DNAH14: variants seen among roughly 807,000 people sequenced by gnomAD.
DNAH14 encodes the protein axonemal beta dynein heavy chain 14.
DNAH14 carries 478 observed loss-of-function variants against 520.9 expected under a neutral mutation model. That is an observed-to-expected ratio of 0.92 (90% CI 0.85 to 0.99). The LOEUF is 0.99. Ranked by LOEUF, DNAH14 falls within the 50% of genes least tolerant of loss-of-function variation. The pLI is 0.00. For missense variants in DNAH14, 4,831 were observed against 5,234.5 expected, an observed-to-expected ratio of 0.92 and a Z score of 2.38; for synonymous variants, 1,581 against 1,757.2, an observed-to-expected ratio of 0.90 and a Z score of 2.51.
At chr1:225,362,034 A>G (rs2095497903) in intron 75 of DNAH14, among the ~76,000 whole-genome samples, 1 of 152,264 alleles carries the variant, frequency 6.6e-6, no homozygotes. Context: ...AAAACTATTT[A>G]TAGGGCATCT....
At chr1:224,989,608 A>T (rs1219270172) in intron 8 of DNAH14, among the ~76,000 whole-genome samples, 3 of 152,170 alleles carry the variant, frequency 2.0e-5, no homozygotes, top group Admixed American at 6.5e-5. Context: ...TATGTCGAAT[A>T]AGTGGTGAAG....
At chr1:225,284,226 A>T (rs1474032740) in intron 54 of DNAH14, among the ~76,000 whole-genome samples, 1 of 152,062 alleles carries the variant, frequency 6.6e-6, no homozygotes, top group Non-Finnish European at 1.5e-5. Flanking sequence ...CTTTGAAAAG[A>T]TCAACAAAAT....
intron 1 of DNAH14, among the ~76,000 whole-genome samples, chr1:224,942,214 G>A (rs1473633429): frequency 6.7e-6 from 1 of 150,278 alleles, no homozygotes; most frequent in Non-Finnish European, 1.5e-5. Flanking sequence ...TCCTTGAAGA[G>A]GTCCTTCACA....
chr1:225,199,486 T>C (rs1463376421), intron 38 of DNAH14, among the ~76,000 whole-genome samples: 2 of 152,170 alleles, frequency 1.3e-5, no homozygotes, highest in African/African-American at 4.8e-5. Context: ...GCTATGAACT[T>C]TCCTCTTAGC....
intron 42 of DNAH14, among the ~76,000 whole-genome samples, chr1:225,240,085 T>A (rs2091880924): frequency 6.6e-6 from 1 of 152,150 alleles, no homozygotes; most frequent in South Asian, 2.1e-4. Flanking sequence ...CTCTACGACT[T>A]GGTTGAGACA....
chr1:225,277,527 G>T (rs373563139), intron 54 of DNAH14, 25 bp downstream of exon 54: 2 of 466,612 alleles, frequency 4.3e-6, no homozygotes, highest in African/African-American at 4.0e-5. Context: ...TTTTCAAGTG[G>T]TTTTAAGTTT....
chr1:225,346,433 A>G, intron 70 of DNAH14, 23 bp from the exon 71 acceptor site: 1 of 1,536,624 alleles, frequency 6.5e-7, no homozygotes, highest in Non-Finnish European at 8.7e-7. Flanking sequence ...TCACTGGATT[A>G]ATATGTTATA....
intron 4 of DNAH14, among the ~76,000 whole-genome samples, chr1:224,960,674 G>C (rs1313667411): frequency 6.6e-6 from 1 of 151,968 alleles, no homozygotes; most frequent in Non-Finnish European, 1.5e-5. Context: ...CAAATAAATA[G>C]TTTATTTAAA....
At chr1:225,380,056 A>G (rs1575115575) in intron 79 of DNAH14, 103 bp from the exon 80 acceptor site, 1 of 1,258,018 alleles carries the variant, frequency 7.9e-7, no homozygotes, top group Non-Finnish European at 1.1e-6. Flanking sequence ...AACACTAAAC[A>G]TATTCCTCCT....
chr1:224,970,927 ACAAAC>A (rs2061469512), intron 7 of DNAH14, among the ~76,000 whole-genome samples: 1 of 152,348 alleles, frequency 6.6e-6, no homozygotes, highest in South Asian at 2.1e-4. Context: ...ATTGTATTGA[ACAAAC>A]CAAACAATTA....
rs769049823 is a variant in DNAH14, at chr1:225,360,892, G to A, written c.11987+1G>A. ...CAAGGCTTTGCACAATTGTAGAATC[G>A]TAAGAGTTTTACATTTATCTGTAAG... On this transcript the variant is annotated splice_donor_variant, in intron 75 of 85. Transcript: ENST00000682510. LOFTEE classifies it high-confidence loss of function. The A allele has an allele frequency of 7.7e-6, 12 of 1,550,668 alleles. 1 individual carries two copies. In the South Asian group the frequency reaches 8.3e-5, roughly 11 times the overall value.
At chr1:225,244,784 T>C (rs1447687914) in intron 43 of DNAH14, among the ~76,000 whole-genome samples, 1 of 152,128 alleles carries the variant, frequency 6.6e-6, no homozygotes, top group African/African-American at 2.4e-5. Flanking sequence ...ATTTTGTTAA[T>C]CTTTTCAAAA....
At chr1:225,007,184 T>G (rs2064243173) in intron 9 of DNAH14, among the ~76,000 whole-genome samples, 1 of 152,242 alleles carries the variant, frequency 6.6e-6, no homozygotes, top group East Asian at 1.9e-4. Context: ...TGCTTCAGTT[T>G]AATCTTACTT....
chr1:225,361,476 G>A (rs917802226), intron 75 of DNAH14, among the ~76,000 whole-genome samples: 5 of 152,198 alleles, frequency 3.3e-5, no homozygotes, highest in Non-Finnish European at 7.3e-5. Flanking sequence ...AATCAATGAT[G>A]TTTCAACCAA....
chr1:225,172,433 A>G (rs1476693836), intron 36 of DNAH14, among the ~76,000 whole-genome samples: 1 of 152,238 alleles, frequency 6.6e-6, no homozygotes, highest in Non-Finnish European at 1.5e-5. Context: ...TACAAAATCA[A>G]TGTGCAGAAA....
intron 46 of DNAH14, among the ~76,000 whole-genome samples, chr1:225,263,347 C>T (rs946567689): frequency 1.3e-5 from 2 of 151,126 alleles, no homozygotes; most frequent in Non-Finnish European, 2.9e-5. Context: ...CCTATCCTTC[C>T]TCTAGTGCTT....
At chr1:225,119,714 A>G (rs764144342) in intron 26 of DNAH14, among the ~76,000 whole-genome samples, 8 of 152,146 alleles carry the variant, frequency 5.3e-5, no homozygotes, top group Non-Finnish European at 1.2e-4. Context: ...TCTCCTTTTC[A>G]TATTTAAGTC....
chr1:224,950,589 G>A (rs1412419694), intron 1 of DNAH14, among the ~76,000 whole-genome samples: 1 of 152,126 alleles, frequency 6.6e-6, no homozygotes, highest in Non-Finnish European at 1.5e-5. Flanking sequence ...TTGTTTATTA[G>A]ATGTTTGTTG....
At chr1:225,114,485 T>A (rs937584633) in intron 23 of DNAH14, among the ~76,000 whole-genome samples, 7 of 152,146 alleles carry the variant, frequency 4.6e-5, no homozygotes, top group African/African-American at 1.4e-4. Context: ...CTCCTTTAGT[T>A]GCTTCAGCTG....
Sources: gnomAD v4.1 joint callset for allele counts (sites outside exome capture counted in the v4.1 genomes callset) on GRCh38, gnomAD v4.1.1 for gene constraint, MANE v1.5 for transcripts, NCBI Gene and HGNC (gene_info 2026-07-23, HGNC 2026-07-21) for gene names.